The following ROBO1 variants were observed in gnomAD, a reference collection of about 807,000 sequenced individuals.
ROBO1 encodes the protein roundabout guidance receptor 1.
In ROBO1, 149 loss-of-function variants were observed where a neutral mutation model predicts 195.9. That is an observed-to-expected ratio of 0.76 (90% CI 0.67 to 0.87). The LOEUF is 0.87. Among genes scored for constraint, ROBO1 ranks in the 40% least tolerant of loss-of-function variants. The probability of loss-of-function intolerance (pLI) is 0.00; values close to 1 mark genes in which losing one functional copy is unlikely to be tolerated. For missense variants in ROBO1, 1,933 were observed against 2,068.3 expected, an observed-to-expected ratio of 0.93 and a Z score of 1.27; for synonymous variants, 816 against 733.2, an observed-to-expected ratio of 1.11 and a Z score of -1.82.
chr3:78,960,833 C>A (rs1017475039), intron 3 of ROBO1, among the ~76,000 whole-genome samples: 23 of 123,946 alleles, frequency 1.9e-4, no homozygotes, highest in South Asian at 5.8e-4. Context: ...CACACACACA[C>A]AAAATGAAAA....
chr3:79,424,960 C>G (rs1234697917), intron 2 of ROBO1, among the ~76,000 whole-genome samples: 1 of 152,074 alleles, frequency 6.6e-6, no homozygotes, highest in Non-Finnish European at 1.5e-5. Flanking sequence ...CGCAGAAAAC[C>G]TAAACCCTGA....
At chr3:78,673,598 A>ATT (rs1708221327) in intron 10 of ROBO1, among the ~76,000 whole-genome samples, 1 of 61,940 alleles carries the variant, frequency 1.6e-5, no homozygotes, top group Admixed American at 2.3e-4. Flanking sequence ...ATATATATAT[A>ATT]TATATATACA....
At chr3:79,730,936 C>A (rs1703123522) in intron 1 of ROBO1, among the ~76,000 whole-genome samples, 1 of 151,862 alleles carries the variant, frequency 6.6e-6, no homozygotes, top group African/African-American at 2.4e-5. Flanking sequence ...CGCCACCACG[C>A]CCAGCTAATT....
chr3:78,675,903 C>G (rs1575905003), intron 10 of ROBO1, among the ~76,000 whole-genome samples: 1 of 152,066 alleles, frequency 6.6e-6, no homozygotes, highest in Non-Finnish European at 1.5e-5. Context: ...GACCCCCGAG[C>G]AGCCTAACTG....
chr3:79,019,269 G>T, intron 3 of ROBO1: 1 of 985,878 alleles, frequency 1.0e-6, no homozygotes. Flanking sequence ...CTTCCTGGGG[G>T]CAGCTGCCTG....
chr3:78,771,955 T>C (rs763404699), intron 4 of ROBO1, among the ~76,000 whole-genome samples: 3 of 152,138 alleles, frequency 2.0e-5, no homozygotes, highest in Non-Finnish European at 2.9e-5. Context: ...TTCACATTGC[T>C]ATTAAAACAA....
At chr3:79,528,471 A>T (rs2107603271) in intron 2 of ROBO1, among the ~76,000 whole-genome samples, 1 of 152,338 alleles carries the variant, frequency 6.6e-6, no homozygotes, top group African/African-American at 2.4e-5. Context: ...CCTTAGGTAG[A>T]TGGCAAAATA....
intron 2 of ROBO1, among the ~76,000 whole-genome samples, chr3:79,498,328 A>T (rs1939861916): frequency 6.6e-6 from 1 of 152,176 alleles, no homozygotes; most frequent in African/African-American, 2.4e-5. Flanking sequence ...GATATTGTAC[A>T]AAATACAAAA....
chr3:79,669,303 G>C (rs1028751668), intron 1 of ROBO1, among the ~76,000 whole-genome samples: 1 of 151,728 alleles, frequency 6.6e-6, no homozygotes, highest in Non-Finnish European at 1.5e-5. Flanking sequence ...GTGATTGTGA[G>C]GGCTCCCCAG....
intron 2 of ROBO1, among the ~76,000 whole-genome samples, chr3:79,355,171 C>CA (rs1275131779): frequency 6.6e-6 from 1 of 150,920 alleles, no homozygotes; most frequent in Non-Finnish European, 1.5e-5. Flanking sequence ...GTCTCAAAAA[C>CA]AAACAAACAA....
chr3:79,523,167 A>T (rs1352188092), intron 2 of ROBO1, among the ~76,000 whole-genome samples: 3 of 93,568 alleles, frequency 3.2e-5, no homozygotes, highest in Non-Finnish European at 6.2e-5. Context: ...TAAACCACAC[A>T]CACACACACA....
At chr3:78,811,133 A>G (rs1041843447) in intron 4 of ROBO1, among the ~76,000 whole-genome samples, 2 of 152,176 alleles carry the variant, frequency 1.3e-5, no homozygotes, top group Middle Eastern at 3.2e-3. Context: ...GTATCTTTCA[A>G]GATTACCCAG....
At chr3:78,876,236 A>G (rs2035839404) in intron 4 of ROBO1, among the ~76,000 whole-genome samples, 1 of 152,132 alleles carries the variant, frequency 6.6e-6, no homozygotes, top group African/African-American at 2.4e-5. Context: ...AGAAAGATAA[A>G]TTTTATAGCA....
intron 2 of ROBO1, among the ~76,000 whole-genome samples, chr3:79,246,325 C>G (rs2108895218): frequency 1.3e-5 from 2 of 152,206 alleles, no homozygotes; most frequent in East Asian, 3.9e-4. Flanking sequence ...TGAAGGGAAA[C>G]TTAGATGTTG....
At chr3:79,156,529 C>A (rs905065289) in intron 2 of ROBO1, among the ~76,000 whole-genome samples, 11 of 151,666 alleles carry the variant, frequency 7.3e-5, no homozygotes, top group African/African-American at 2.7e-4. Context: ...CATGTTTTCA[C>A]TTCAGTTAGT....
intron 1 of ROBO1, among the ~76,000 whole-genome samples, chr3:79,710,183 A>G (rs527430799): frequency 6.6e-6 from 1 of 152,296 alleles, no homozygotes; most frequent in East Asian, 1.9e-4. Context: ...AAATTCTAGC[A>G]TAGACCTAAT....
chr3:78,935,604 G>T (rs2039762305), intron 4 of ROBO1, among the ~76,000 whole-genome samples: 1 of 152,064 alleles, frequency 6.6e-6, no homozygotes, highest in East Asian at 1.9e-4. Context: ...AAATAGAGCT[G>T]ATCCAAAACA....
chr3:78,739,323 TTAA>T (rs1044694212), intron 5 of ROBO1, among the ~76,000 whole-genome samples: 6 of 152,270 alleles, frequency 3.9e-5, no homozygotes, highest in South Asian at 2.1e-4. Context: ...AGTCACTACA[TTAA>T]TAATATTTTA....
intron 4 of ROBO1, among the ~76,000 whole-genome samples, chr3:78,925,874 T>C (rs553075240): frequency 2.6e-5 from 4 of 151,576 alleles, no homozygotes; most frequent in Non-Finnish European, 4.4e-5. Context: ...AAGCAAAATG[T>C]ACTTTTTTTT....
Sources: gnomAD v4.1 joint callset for allele counts (sites outside exome capture counted in the v4.1 genomes callset) on GRCh38, gnomAD v4.1.1 for gene constraint, MANE v1.5 for transcripts, NCBI Gene and HGNC (gene_info 2026-07-23, HGNC 2026-07-21) for gene names.